Variants in GUCY1A2 observed in about 807,000 individuals in gnomAD.
GUCY1A2 encodes the protein guanylate cyclase soluble subunit alpha-2.
In GUCY1A2, 27 loss-of-function variants were observed where a neutral mutation model predicts 63.5. The observed-to-expected ratio is 0.43, with a 90% CI of 0.31 to 0.59. The LOEUF is 0.59. Among genes scored for constraint, GUCY1A2 ranks in the 20% least tolerant of loss-of-function variants. GUCY1A2 has a pLI of 0.11. For synonymous variants in GUCY1A2, 364 were observed against 343.5 expected (o/e 1.06, Z -0.66); for missense variants, 768 against 913.3 (o/e 0.84, Z 2.05).
rs537945524 is a variant in GUCY1A2, at chr11:106,721,643, GTC to G, written c.1837-12979_1837-12978del. Among the ~76,000 whole-genome samples the G allele has an allele frequency of 1.2e-3, 176 of 152,242 alleles. 1 individual carries two copies. The highest frequency in any genetic ancestry group is 2.2e-3 in the Non-Finnish European group (150 of 68,014). ...GTTGGTTCTTTAACGTCAGCAGTAG[GTC>G]TCTCAACTGGAGAAGTGTCTTTAAG... On this transcript the variant is annotated intron_variant, in intron 6 of 7. Transcript: ENST00000526355.
At position 106,682,906 on chromosome 11, in the gene GUCY1A2, C is replaced by T; in HGVS notation, c.*4643G>A. ...GATCAAGTGTGAGGAAGGAATTTTG[C>T]ACACTATCTCAGTATAGCCTGACAA... On this transcript the variant is annotated 3_prime_UTR_variant, in exon 8 of 8. Coordinates refer to ENST00000526355, the MANE Select transcript of GUCY1A2 (RefSeq NM_000855.3). 1 of 216,010 alleles carries T rather than the reference C, an allele frequency of 4.6e-6. No homozygotes were observed. Among genetic ancestry groups the T allele is most frequent in the Non-Finnish European group, 9.3e-6 (1 of 107,000 alleles). 13.4% of individuals were successfully genotyped at this position (216,010 alleles called of 1,614,324 possible). A position where few individuals can be genotyped will look rare whatever the true frequency, so the allele number is the denominator to read the frequency against.
intron 4 of GUCY1A2, among the ~76,000 whole-genome samples, chr11:106,879,786 C>T (rs1339513594): frequency 1.3e-5 from 2 of 152,046 alleles, no homozygotes; most frequent in Non-Finnish European, 1.5e-5. Flanking sequence ...TAGCTAGAAC[C>T]TTGTTCTCTC....
chr11:106,982,079 T>C (rs1297091472), intron 2 of GUCY1A2, among the ~76,000 whole-genome samples: 1 of 152,220 alleles, frequency 6.6e-6, no homozygotes, highest in Non-Finnish European at 1.5e-5. Context: ...AACCCTGTTA[T>C]TATTCCCATT....
At chr11:106,924,934 G>T (rs1175208507) in intron 4 of GUCY1A2, among the ~76,000 whole-genome samples, 1 of 152,120 alleles carries the variant, frequency 6.6e-6, no homozygotes, top group African/African-American at 2.4e-5. Context: ...TGAGGCTGGG[G>T]AGGTCGAGGC....
intron 4 of GUCY1A2, among the ~76,000 whole-genome samples, chr11:106,909,392 C>CGTGTGTGTGTGTGTGTGT (rs1408056529): frequency 1.6e-4 from 22 of 135,632 alleles, no homozygotes; most frequent in Non-Finnish European, 2.7e-4. Context: ...TGTGTGTGTA[C>CGTGTGTGTGTGTGTGTGT]GCTTTTCATT....
chr11:106,769,606 A>G (rs1032945913), intron 6 of GUCY1A2, among the ~76,000 whole-genome samples: 5 of 152,202 alleles, frequency 3.3e-5, no homozygotes, highest in African/African-American at 1.2e-4. Context: ...AAAATGATAA[A>G]TCTATCGGAA....
chr11:106,840,044 T>C (rs1859175430), intron 4 of GUCY1A2, among the ~76,000 whole-genome samples: 1 of 151,920 alleles, frequency 6.6e-6, no homozygotes, highest in Admixed American at 6.6e-5. Context: ...GTAAAATAAT[T>C]TAACATGAGC....
chr11:106,926,331 G>A (rs777077058), intron 4 of GUCY1A2, among the ~76,000 whole-genome samples: 22 of 151,804 alleles, frequency 1.4e-4, no homozygotes, highest in Admixed American at 2.6e-4. Context: ...CCAGCTACCC[G>A]GGAGGCTGAG....
chr11:106,769,042 T>TCTCTTTCAAGA (rs1286859034), intron 6 of GUCY1A2, among the ~76,000 whole-genome samples: 3 of 152,084 alleles, frequency 2.0e-5, no homozygotes, highest in Non-Finnish European at 4.4e-5. Flanking sequence ...GAGCCCCTAG[T>TCTCTTTCAAGA]CTCTTTCAAG....
chr11:106,868,349 G>A (rs868622202), intron 4 of GUCY1A2, among the ~76,000 whole-genome samples: 12 of 151,874 alleles, frequency 7.9e-5, no homozygotes, highest in Admixed American at 3.3e-4. Context: ...TTGTATATCT[G>A]GAAAACCCCA....
chr11:106,992,810 T>A (rs1302717274), intron 1 of GUCY1A2, among the ~76,000 whole-genome samples: 1 of 152,194 alleles, frequency 6.6e-6, no homozygotes, highest in Non-Finnish European at 1.5e-5. Flanking sequence ...TTAAATTTTA[T>A]TTTAAATAAT....
At chr11:106,849,365 T>C (rs897247009) in intron 4 of GUCY1A2, among the ~76,000 whole-genome samples, 5 of 149,728 alleles carry the variant, frequency 3.3e-5, no homozygotes. Flanking sequence ...ATATGTAATA[T>C]ATAAACATAT....
In GUCY1A2 at chr11:106,971,574, A is replaced by G. The variant is rs115917319; in HGVS notation, c.487+7045T>C. On this transcript the variant is annotated intron_variant, in intron 3 of 7. Coordinates refer to ENST00000526355, the MANE Select transcript of GUCY1A2 (RefSeq NM_000855.3). Reference sequence around the variant, plus strand: ...TTCTCCTTGTTAGAAAGAAGGATATAGACAAGCAAGAGGGAAAGGTTAGAA... The same window carrying G: ...TTCTCCTTGTTAGAAAGAAGGATATGGACAAGCAAGAGGGAAAGGTTAGAA... Among the ~76,000 whole-genome samples the G allele has an allele frequency of 5.9e-3, 900 of 152,266 alleles. 7 individuals are homozygous for G. Among genetic ancestry groups the G allele is most frequent in the African/African-American group, 0.021 (869 of 41,558 alleles).
chr11:106,893,776 G>A (rs1860007353), intron 4 of GUCY1A2, among the ~76,000 whole-genome samples: 1 of 152,098 alleles, frequency 6.6e-6, no homozygotes, highest in Non-Finnish European at 1.5e-5. Flanking sequence ...TTGGGAACCA[G>A]TGCCACAGTA....
chr11:106,773,403 AT>A (rs1270094396), intron 6 of GUCY1A2, among the ~76,000 whole-genome samples: 5 of 152,192 alleles, frequency 3.3e-5, no homozygotes, highest in African/African-American at 1.2e-4. Context: ...CAAGGTATAA[AT>A]ATAACACAGT....
chr11:106,735,549 T>C (rs993069474), intron 6 of GUCY1A2, among the ~76,000 whole-genome samples: 26 of 152,192 alleles, frequency 1.7e-4, no homozygotes, highest in African/African-American at 5.8e-4. Flanking sequence ...TGTGGACAGG[T>C]TGAATGCAAA....
At position 106,683,362 on chromosome 11, in the gene GUCY1A2, A is replaced by C. The variant is rs539323005; in HGVS notation, c.*4187T>G. 26 of 223,602 alleles carry C rather than the reference A, an allele frequency of 1.2e-4. No individual in the cohort carries two copies. Among genetic ancestry groups the C allele is most frequent in the African/African-American group, 5.6e-4 (25 of 44,930 alleles). 13.9% of individuals were successfully genotyped at this position (223,602 alleles called of 1,614,324 possible). A position where few individuals can be genotyped will look rare whatever the true frequency, so the allele number is the denominator to read the frequency against. On this transcript the variant is annotated 3_prime_UTR_variant, in exon 8 of 8. Coordinates refer to ENST00000526355, the MANE Select transcript of GUCY1A2 (RefSeq NM_000855.3). ...CTGGTGCTACCCAAAGCCTATTCAGAGTCATTTATAATTAATTTCAAAGGA... is the reference window on the plus strand; with the variant it reads ...CTGGTGCTACCCAAAGCCTATTCAGCGTCATTTATAATTAATTTCAAAGGA...
chr11:106,701,699 TG>T (rs1320805596), intron 7 of GUCY1A2, among the ~76,000 whole-genome samples: 1 of 152,196 alleles, frequency 6.6e-6, no homozygotes, highest in Non-Finnish European at 1.5e-5. Flanking sequence ...GAATAAATTC[TG>T]GTGTTCTGTA....
chr11:106,812,845 C>G (rs903082390), intron 4 of GUCY1A2, among the ~76,000 whole-genome samples: 2 of 151,822 alleles, frequency 1.3e-5, no homozygotes, highest in African/African-American at 4.8e-5. Context: ...AATTCATAGA[C>G]GATAAGCCCA....
Sources: allele counts gnomAD v4.1 joint callset (sites outside exome capture counted in the v4.1 genomes callset), GRCh38; gene constraint gnomAD v4.1.1; transcripts MANE v1.5; gene names NCBI Gene and HGNC (gene_info 2026-07-23, HGNC 2026-07-21).